The following XKR3 variants were observed in gnomAD, a reference collection of about 807,000 sequenced individuals.
XKR3 encodes the protein XK related 3, also known as XK-related protein 3.
A neutral mutation model predicts 40.3 loss-of-function variants in XKR3; 27 were observed. The ratio of observed to expected loss-of-function variants is 0.67; its 90% confidence interval spans 0.49 to 0.92. The LOEUF (loss-of-function observed/expected upper bound fraction) is 0.92. Among genes scored for constraint, XKR3 ranks in the 40% least tolerant of loss-of-function variants. The pLI, the probability that XKR3 is intolerant of heterozygous loss-of-function variation, is 0.00. For missense variants in XKR3, 472 were observed against 537.6 expected (o/e 0.88, Z 1.21); for synonymous variants, 193 against 195.4 (o/e 0.99, Z 0.10).
intron 3 of XKR3, among the ~76,000 whole-genome samples, chr22:16,790,578 C>T (rs12160239): frequency 0.02 from 3,075 of 152,112 alleles, 104 homozygotes; most frequent in African/African-American, 0.07. Flanking sequence ...GGAAGGAGAA[C>T]ATCAGTGAAA....
intron 2 of XKR3, among the ~76,000 whole-genome samples, chr22:16,804,951 T>C (rs1569040227): frequency 1.3e-5 from 2 of 152,204 alleles, no homozygotes; most frequent in Non-Finnish European, 2.9e-5. Flanking sequence ...AATAAATCCC[T>C]TCAAAATATT....
At position 16,820,413 on chromosome 22, in the gene XKR3, A is replaced by G. The variant is rs145894258; in HGVS notation, c.-11+4878T>C. On this transcript the variant is annotated intron_variant, in intron 1 of 3. Transcript: ENST00000684488. ...TCCTCCTGTTTCTGCCACACTATGC[A>G]ACACAGGGAGATGGAAACAGATCTA... 1.9e-3 allele frequency among the ~76,000 whole-genome samples: 296 copies of G among 152,308 alleles called. 1 individual carries two copies. The highest frequency in any genetic ancestry group is 6.8e-3 in the African/African-American group (283 of 41,568).
At chr22:16,789,807 A>G (rs1387990088) in intron 3 of XKR3, among the ~76,000 whole-genome samples, 4 of 152,244 alleles carry the variant, frequency 2.6e-5, no homozygotes, top group African/African-American at 9.6e-5. Context: ...GAGTATAGTG[A>G]GCACAAATAA....
intron 2 of XKR3, among the ~76,000 whole-genome samples, chr22:16,803,387 A>G (rs1195013027): frequency 6.6e-6 from 1 of 152,194 alleles, no homozygotes; most frequent in Non-Finnish European, 1.5e-5. Context: ...TATTTCCACA[A>G]CAAGAAGAGA....
intron 2 of XKR3, among the ~76,000 whole-genome samples, chr22:16,801,525 C>T (rs569079444): frequency 8.5e-5 from 13 of 152,164 alleles, no homozygotes; most frequent in South Asian, 6.2e-4. Flanking sequence ...CTGCACAACA[C>T]GGCAAGATGC....
chr22:16,807,593 G>A (rs1362674611), intron 2 of XKR3, 146 bp downstream of exon 2: 29 of 804,528 alleles, frequency 3.6e-5, no homozygotes, highest in East Asian at 2.5e-4. Flanking sequence ...GAACAGTTAC[G>A]AAAGTGTGAA....
chr22:16,799,436 C>CAAAAAAAAAAAAAAAAAAAAAAAAAAAAA (rs2060157854), intron 3 of XKR3, among the ~76,000 whole-genome samples: 1 of 59,012 alleles, frequency 1.7e-5, no homozygotes, highest in Non-Finnish European at 3.3e-5. Context: ...AAAAAAAAAG[C>CAAAAAAAAAAAAAAAAAAAAAAAAAAAAA]AATGCTGTTT....
At chr22:16,797,715 C>T (rs1039466252) in intron 3 of XKR3, among the ~76,000 whole-genome samples, 2 of 151,106 alleles carry the variant, frequency 1.3e-5, no homozygotes, top group Admixed American at 6.6e-5. Flanking sequence ...ATGGTGTCAA[C>T]CCAGGAGGCG....
chr22:16,783,730 A>G lies in XKR3; in HGVS notation c.1269T>C (p.Tyr423=), dbSNP rs1231828205. 2.5e-6 allele frequency: 4 copies of G among 1,614,064 alleles called. No individual in the cohort carries two copies. The change falls in exon 4 of 4, where the codon TAT becomes TAC. Residue 423 remains tyrosine (Y), a synonymous_variant. Coordinates refer to ENST00000684488, the MANE Select transcript of XKR3 (RefSeq NM_001386955.1). The part of the protein sequence containing the change: ...TENQPEAPYY[Y]VNIEKTEKNK... ...TCTTTTCAGTTTTCTCGATGTTTAC[A>G]TAATAGTACGGTGCTTCTGGCTGAT...
Position 16,825,393 on chromosome 22 carries a change from C to T in XKR3, c.-113G>A, listed in dbSNP as rs1183196404. 6.6e-6 allele frequency among the ~76,000 whole-genome samples: 1 copy of T among 152,232 alleles called. No individual in the cohort carries two copies. The highest frequency in any genetic ancestry group is 6.5e-5 in the Admixed American group (1 of 15,282). ...ATTTCTGGTCTCGTTTTCAACACTA[C>T]GTCCTTTGCTTTGCAGGTAAAATTG... On this transcript the variant is annotated 5_prime_UTR_variant, in exon 1 of 4. Transcript: ENST00000684488.
Position 16,807,749 on chromosome 22 carries a change from G to A in XKR3, c.325C>T (p.Pro109Ser). ...LLFWHILLLG[P>S]IVRCLHTIRN... ...ATTTGTGTCACTTACCTCACAATAG[G>A]TCCTAAAAGAAGAATGTGCCAAAAA... is the stretch of plus-strand genomic sequence containing the variant. Residue 109 changes from proline (P) to serine (S), a missense_variant, in exon 2 of 4, where the codon CCT (proline) becomes TCT (serine). Pro to Ser is a moderately conservative substitution (Grantham distance 74, BLOSUM62 -1). Transcript: ENST00000684488. The A allele has an allele frequency of 6.2e-7, 1 of 1,601,274 alleles. No homozygotes were observed. Among genetic ancestry groups the A allele is most frequent in the Non-Finnish European group, 8.5e-7 (1 of 1,173,082 alleles).
intron 1 of XKR3, among the ~76,000 whole-genome samples, chr22:16,822,365 C>G (rs542418619): frequency 6.7e-6 from 1 of 148,764 alleles, no homozygotes; most frequent in Admixed American, 6.8e-5. Context: ...AAGAAACCAA[C>G]AAAGGCCATA....
At chr22:16,803,634 G>T (rs2060178166) in intron 2 of XKR3, among the ~76,000 whole-genome samples, 1 of 152,180 alleles carries the variant, frequency 6.6e-6, no homozygotes, top group Non-Finnish European at 1.5e-5. Flanking sequence ...CAGCAAAGGA[G>T]CCAGTCAAAA....
At chr22:16,817,245 A>G (rs1242023546) in intron 1 of XKR3, among the ~76,000 whole-genome samples, 1 of 152,030 alleles carries the variant, frequency 6.6e-6, no homozygotes, top group Non-Finnish European at 1.5e-5. Flanking sequence ...CATCTCAGAG[A>G]ACACCAAAAC....
intron 1 of XKR3, among the ~76,000 whole-genome samples, chr22:16,820,315 T>C (rs1465214611): frequency 1.3e-5 from 2 of 152,104 alleles, no homozygotes; most frequent in Admixed American, 6.6e-5. Flanking sequence ...AAAAATGAAA[T>C]AGACTATTAG....
At chr22:16,824,528 AAGG>A (rs1440279889) in intron 1 of XKR3, among the ~76,000 whole-genome samples, 11 of 152,074 alleles carry the variant, frequency 7.2e-5, no homozygotes, top group Admixed American at 3.3e-4. Flanking sequence ...AAAGGGTGGG[AAGG>A]AGGAGGGAGA....
intron 1 of XKR3, among the ~76,000 whole-genome samples, chr22:16,810,232 T>C (rs1242679172): frequency 6.6e-6 from 1 of 152,214 alleles, no homozygotes; most frequent in Non-Finnish European, 1.5e-5. Flanking sequence ...TTGTACATAT[T>C]CGAGTTTAAT....
At chr22:16,789,086 A>G (rs2060103341) in intron 3 of XKR3, among the ~76,000 whole-genome samples, 1 of 152,194 alleles carries the variant, frequency 6.6e-6, no homozygotes, top group South Asian at 2.1e-4. Flanking sequence ...TCAAAGTTGA[A>G]AGCTTCTCTC....
At chr22:16,819,997 A>G (rs754653384) in intron 1 of XKR3, among the ~76,000 whole-genome samples, 6 of 152,204 alleles carry the variant, frequency 3.9e-5, no homozygotes, top group Non-Finnish European at 8.8e-5. Flanking sequence ...CACTGCATCT[A>G]TTAAAACACC....
Sources: allele counts gnomAD v4.1 joint callset (sites outside exome capture counted in the v4.1 genomes callset), GRCh38; gene constraint gnomAD v4.1.1; transcripts MANE v1.5; gene names NCBI Gene and HGNC (gene_info 2026-07-23, HGNC 2026-07-21).